The following ZNF746 variants were observed in gnomAD, a reference collection of about 807,000 sequenced individuals.
The protein encoded by ZNF746 is zinc finger protein 746, also known as parkin-interacting substrate.
A neutral mutation model predicts 41.0 loss-of-function variants in ZNF746; 13 were observed. The ratio of observed to expected loss-of-function variants is 0.32; its 90% CI spans 0.21 to 0.50. The LOEUF (loss-of-function observed/expected upper bound fraction) is 0.50. Among genes scored for constraint, ZNF746 ranks in the 20% least tolerant of loss-of-function variants. The probability of loss-of-function intolerance (pLI) is 0.98; values close to 1 mark genes in which losing one functional copy is unlikely to be tolerated. For synonymous variants in ZNF746, 424 were observed against 396.2 expected, an observed-to-expected ratio of 1.07 and a Z score of -0.83; for missense variants, 811 against 922.9, an observed-to-expected ratio of 0.88 and a Z score of 1.57.
chr7:149,486,423 AAAG>A (rs1436213961), intron 4 of ZNF746, among the ~76,000 whole-genome samples: 2 of 152,114 alleles, frequency 1.3e-5, no homozygotes, highest in African/African-American at 4.8e-5. Flanking sequence ...AAAAAAAAAA[AAAG>A]AAAAGAAAAG....
rs776682291 is a variant in ZNF746 at position 149,494,004 on chromosome 7, T to A, written c.436A>T (p.Thr146Ser). ...YKHVMRGNYE[T>S]LVSLDYAISK... ...CAGGCCTTACCCAGGGAGACCAGCG[T>A]CTCGTAGTTGCCCCTCATCACGTGC... The change falls in exon 3 of 7, where the codon ACG (threonine) becomes TCG (serine). Residue 146 changes from threonine (T) to serine (S), a missense_variant. Physicochemically the swap from Thr to Ser is moderately conservative, Grantham distance 58 (BLOSUM62 1). Around this residue, in one of 4 missense-constraint regions of ZNF746, gnomAD observed 147 missense variants for 233.4 expected, o/e 0.63. Transcript: ENST00000458143. This position sits in a 1 kb window ranked among gnomAD's most constrained non-coding sequence, Gnocchi z 5.6. 8.1e-6 allele frequency: 13 copies of A among 1,614,096 alleles called. 1 individual carries two copies. Among genetic ancestry groups the A allele is most frequent in the Middle Eastern group, 1.6e-4 (1 of 6,062 alleles).
intron 6 of ZNF746, among the ~76,000 whole-genome samples, chr7:149,475,799 G>A (rs1351557650): frequency 6.6e-6 from 1 of 152,216 alleles, no homozygotes; most frequent in Non-Finnish European, 1.5e-5. Flanking sequence ...TGCAGGCACT[G>A]TGCCCCACCA....
chr7:149,473,601 G>A lies in ZNF746; in HGVS notation c.*783C>T, dbSNP rs78903312. ...CTCCCAGCTCTGCTGAGAGCTAGACGTTTGTGGTGCAGCTCCCCAGTTTCA... is the reference window on the plus strand; with the variant it reads ...CTCCCAGCTCTGCTGAGAGCTAGACATTTGTGGTGCAGCTCCCCAGTTTCA... On this transcript the variant is annotated 3_prime_UTR_variant, in exon 7 of 7. Transcript: ENST00000458143. 0.026 allele frequency: 3,936 copies of A among 152,438 alleles called. 71 individuals are homozygous for A. The highest frequency in any genetic ancestry group is 0.039 in the Non-Finnish European group (2,646 of 68,100). The allele number at this position is 152,438 out of a possible 1,614,324, so 9.4% of individuals were successfully genotyped here.
At chr7:149,485,501 A>G (rs1190789175) in intron 4 of ZNF746, among the ~76,000 whole-genome samples, 2 of 152,248 alleles carry the variant, frequency 1.3e-5, no homozygotes, top group African/African-American at 4.8e-5. Context: ...GAACTTGAAC[A>G]TGAAAGACGA....
intron 4 of ZNF746, 148 bp from the exon 5 acceptor site, chr7:149,477,903 G>A (rs1489049468): frequency 1.6e-6 from 1 of 621,332 alleles, no homozygotes; most frequent in African/African-American, 1.8e-5. Context: ...CAGCAAACAG[G>A]ATGGGAGCCT....
At chr7:149,486,950 C>CG (rs1478041873) in intron 4 of ZNF746, among the ~76,000 whole-genome samples, 1 of 152,156 alleles carries the variant, frequency 6.6e-6, no homozygotes, top group Non-Finnish European at 1.5e-5. Context: ...CCCCATGCCC[C>CG]GGGGAACCTG....
At chr7:149,487,317 A>G (rs1310775785) in intron 4 of ZNF746, among the ~76,000 whole-genome samples, 1 of 152,260 alleles carries the variant, frequency 6.6e-6, no homozygotes, top group African/African-American at 2.4e-5. Flanking sequence ...ATTTGATACA[A>G]TATAACACTT....
In ZNF746 at chr7:149,492,021, G is replaced by A. The variant is rs560649892; in HGVS notation, c.565+838C>T. On this transcript the variant is annotated intron_variant, in intron 4 of 6. Coordinates refer to ENST00000458143, the MANE Select transcript of ZNF746 (RefSeq NM_001394198.1). Reference sequence around the variant, plus strand: ...ATACCAAACCATAAGGCTGACCAATGTAGACCAAAGTAGCTCTACAACTGC... The same window carrying A: ...ATACCAAACCATAAGGCTGACCAATATAGACCAAAGTAGCTCTACAACTGC... 3 of 702,232 alleles carry A rather than the reference G, an allele frequency of 4.3e-6. No homozygotes were observed. In the South Asian group the frequency reaches 4.4e-5, roughly 10 times the overall value. The allele number at this position is 702,232 out of a possible 1,614,324, so 43.5% of individuals were successfully genotyped here.
At chr7:149,476,389 A>T (rs1485074813) in intron 6 of ZNF746, among the ~76,000 whole-genome samples, 4 of 148,774 alleles carry the variant, frequency 2.7e-5, no homozygotes, top group African/African-American at 9.8e-5. Flanking sequence ...TCACATTCTG[A>T]GGTTTCACAT....
Position 149,488,653 on chromosome 7 carries a change from C to G in ZNF746, c.565+4206G>C, listed in dbSNP as rs558406115. The G allele has an allele frequency of 2.6e-5, 4 of 152,282 alleles. No individual in the cohort carries two copies. The East Asian group carries it at 7.7e-4, about 29-fold the overall frequency. The allele number at this position is 152,282 out of a possible 1,614,324, so 9.4% of individuals were successfully genotyped here. On this transcript the variant is annotated intron_variant, in intron 4 of 6. Coordinates refer to ENST00000458143, the MANE Select transcript of ZNF746 (RefSeq NM_001394198.1). ...GGAAAATACAAGTTGAAACGAGAGGCCATCTCACCCCCATCAGGTCGGCAA... is the reference window on the plus strand; with the variant it reads ...GGAAAATACAAGTTGAAACGAGAGGGCATCTCACCCCCATCAGGTCGGCAA...
rs1800350587 is a variant in ZNF746 at position 149,477,646 on chromosome 7, C to A, written c.675G>T (p.Gly225=). 2 of 1,613,962 alleles carry A rather than the reference C, an allele frequency of 1.2e-6. No homozygotes were observed. The highest frequency in any genetic ancestry group is 1.7e-6 in the Non-Finnish European group (2 of 1,179,988). The change falls in exon 5 of 7, where the codon GGG becomes GGT. Residue 225 remains glycine, a synonymous_variant. Transcript: ENST00000458143. ...AGGGCTCCTCCCCAATATCTGGCTG[C>A]CCGGCTGCCCACGCCTCCACGCCCA... is the stretch of plus-strand genomic sequence containing the variant. The part of the protein sequence containing the change: ...QALGVEAWAA[G]QPDIGEEPWG...
chr7:149,482,649 G>A (rs185889047), intron 4 of ZNF746, among the ~76,000 whole-genome samples: 14 of 152,216 alleles, frequency 9.2e-5, no homozygotes, highest in Admixed American at 2.6e-4. Context: ...ATCTTTAGTA[G>A]AGACAGAGTT....
chr7:149,496,023 CCTTT>C (rs1490929215), intron 1 of ZNF746, among the ~76,000 whole-genome samples: 1 of 152,076 alleles, frequency 6.6e-6, no homozygotes, highest in African/African-American at 2.4e-5. Context: ...CCTCACCTCT[CCTTT>C]CTCAGATCAA....
chr7:149,475,148 G>C lies in ZNF746; in HGVS notation c.1219C>G (p.Leu407Val). The C allele has an allele frequency of 6.2e-7, 1 of 1,612,816 alleles. No individual in the cohort carries two copies. Among genetic ancestry groups the C allele is most frequent in the Non-Finnish European group, 8.5e-7 (1 of 1,179,890 alleles). ...WNFRCKPPVG[L>V]NPRTGPEGLP... Reference sequence around the variant, plus strand: ...CCCTCGGGCCCCGTCCTCGGGTTCAGGCCCACTGGCGGTTTACACCGGAAA... The same window carrying C: ...CCCTCGGGCCCCGTCCTCGGGTTCACGCCCACTGGCGGTTTACACCGGAAA... The change falls in exon 7 of 7, where the codon CTG (leucine) becomes GTG (valine). Residue 407 changes from leucine to valine, a missense_variant. Leu to Val is a conservative substitution (Grantham distance 32). This residue lies in a region of ZNF746 where 495 missense variants were observed against 481.6 expected (regional missense o/e 1.03). Transcript: ENST00000458143.
rs1800250271 is a variant in ZNF746, at chr7:149,475,125, C to T, written c.1242G>A (p.Glu414=). ...PVGLNPRTGP[E]GLPYSSPDNG... ...TGTCCGGGGAGGAGTAAGGAAGCCC[C>T]TCGGGCCCCGTCCTCGGGTTCAGGC... The change falls in exon 7 of 7, where the codon GAG becomes GAA. Residue 414 remains glutamate (E), a synonymous_variant. Transcript: ENST00000458143. The T allele has an allele frequency of 6.2e-7, 1 of 1,611,906 alleles. No individual in the cohort carries two copies. Among genetic ancestry groups the T allele is most frequent in the Non-Finnish European group, 8.5e-7 (1 of 1,179,606 alleles).
Position 149,475,079 on chromosome 7 carries a change from G to A in ZNF746, c.1288C>T (p.Pro430Ser), listed in dbSNP as rs748040173. The change falls in exon 7 of 7, where the codon CCC becomes TCC. Residue 430 changes from proline (P) to serine (S), a missense_variant. Pro to Ser is a moderately conservative substitution (Grantham distance 74, BLOSUM62 -1). Around this residue, in one of 4 missense-constraint regions of ZNF746, gnomAD observed 495 missense variants for 481.6 expected, o/e 1.03. Transcript: ENST00000458143. Reference protein sequence around the residue: ...SPDNGEAILDPSQAPRPFNEP... With the variant: ...SPDNGEAILDSSQAPRPFNEP... ...TTGAATGGCCTTGGGGCCTGGCTGG[G>A]GTCCAAGATGGCCTCTCCGTTGTCC... is the stretch of plus-strand genomic sequence containing the variant. 1.2e-5 allele frequency: 19 copies of A among 1,598,102 alleles called. No homozygotes were observed. Among genetic ancestry groups the A allele is most frequent in the African/African-American group, 2.7e-5 (2 of 74,812 alleles).
chr7:149,477,823 A>G, intron 4 of ZNF746, 68 bp from the exon 5 acceptor site: 2 of 1,347,242 alleles, frequency 1.5e-6, no homozygotes, highest in East Asian at 2.5e-5. Flanking sequence ...ACACGCATCC[A>G]GCCGGAGAGA....
chr7:149,476,445 C>T (rs1167201086), intron 6 of ZNF746, among the ~76,000 whole-genome samples: 4 of 141,232 alleles, frequency 2.8e-5, no homozygotes, highest in East Asian at 4.0e-4. Context: ...TAAAATATGA[C>T]GTTATTATAG....
chr7:149,474,985 G>A lies in ZNF746; in HGVS notation c.1382C>T (p.Ala461Val), dbSNP rs1800241574. 1.9e-6 allele frequency: 3 copies of A among 1,548,116 alleles called. No homozygotes were observed. In the East Asian group the frequency reaches 7.3e-5, roughly 38 times the overall value. The stretch of plus-strand genomic sequence containing the variant: ...GAAGGGCCGGCCCCCGGGGGGCGCC[G>A]CGGGGTGCTTCTTCAGCCCTGGCTT... The part of the protein sequence containing the change: ...GHKPGLKKHP[A>V]APPGGRPFTC... Residue 461 changes from alanine (A) to valine (V), a missense_variant, in exon 7 of 7, where the codon GCG becomes GTG. Physicochemically the swap from Ala to Val is moderately conservative, Grantham distance 64 (BLOSUM62 0). Around this residue, in one of 4 missense-constraint regions of ZNF746, gnomAD observed 495 missense variants for 481.6 expected, o/e 1.03. Coordinates refer to ENST00000458143, the MANE Select transcript of ZNF746 (RefSeq NM_001394198.1). This position sits in a 1 kb window ranked among gnomAD's most constrained non-coding sequence, Gnocchi z 6.3.
Sources: gnomAD v4.1 joint callset for allele counts (sites outside exome capture counted in the v4.1 genomes callset) on GRCh38, gnomAD v4.1.1 for gene constraint, gnomAD v4.1.1 regional missense constraint, Gnocchi (gnomAD v3.1) non-coding constraint, MANE v1.5 for transcripts, NCBI Gene and HGNC (gene_info 2026-07-23, HGNC 2026-07-21) for gene names.